Variants in OPCML observed in about 807,000 individuals in gnomAD.
OPCML encodes opioid-binding protein/cell adhesion molecule.
In OPCML, 13 loss-of-function variants were observed where a neutral mutation model predicts 37.8. The ratio of observed to expected loss-of-function variants is 0.34; its 90% CI spans 0.22 to 0.55. The LOEUF (loss-of-function observed/expected upper bound fraction) is 0.55, where lower values mean the gene tolerates loss of function less well. Among genes scored for constraint, OPCML ranks in the 20% least tolerant of loss-of-function variants. OPCML has a pLI of 0.91. For synonymous variants in OPCML, 176 were observed against 168.8 expected (o/e 1.04, Z -0.33); for missense variants, 341 against 435.6 (o/e 0.78, Z 1.93).
At chr11:133,529,146 T>C (rs76923922) in intron 1 of OPCML, among the ~76,000 whole-genome samples, 3,571 of 152,308 alleles carry the variant, frequency 0.023, 140 homozygotes, top group African/African-American at 0.081. Context: ...CTGTAGGCCA[T>C]GGTCACAGGT....
intron 3 of OPCML, among the ~76,000 whole-genome samples, chr11:132,559,759 G>C (rs1040750753): frequency 6.6e-6 from 1 of 152,136 alleles, no homozygotes; most frequent in Non-Finnish European, 1.5e-5. Context: ...ATGACCACCT[G>C]GAGGGATAAA....
intron 2 of OPCML, among the ~76,000 whole-genome samples, chr11:132,660,657 C>T (rs1158877879): frequency 6.6e-6 from 1 of 152,120 alleles, no homozygotes; most frequent in Non-Finnish European, 1.5e-5. Flanking sequence ...TAGGACATGT[C>T]TCATCTCCAA....
At chr11:132,464,498 T>C (rs907266525) in intron 4 of OPCML, among the ~76,000 whole-genome samples, 26 of 152,226 alleles carry the variant, frequency 1.7e-4, no homozygotes, top group Non-Finnish European at 3.5e-4. Flanking sequence ...GTCTGGAATA[T>C]GGCCTGGTAC....
At chr11:133,151,371 CA>C (rs764725470) in intron 1 of OPCML, among the ~76,000 whole-genome samples, 2 of 151,884 alleles carry the variant, frequency 1.3e-5, no homozygotes, top group African/African-American at 2.4e-5. Context: ...GGCTCCCACA[CA>C]ATTGGCAATG....
At chr11:132,512,157 C>G (rs796332463) in intron 4 of OPCML, among the ~76,000 whole-genome samples, 1 of 151,924 alleles carries the variant, frequency 6.6e-6, no homozygotes, top group African/African-American at 2.4e-5. Flanking sequence ...AACTCAAAAC[C>G]AAATATGTTT....
At chr11:133,170,630 T>C (rs1451938867) in intron 1 of OPCML, among the ~76,000 whole-genome samples, 1 of 152,122 alleles carries the variant, frequency 6.6e-6, no homozygotes, top group African/African-American at 2.4e-5. Context: ...TCAGCTAAAC[T>C]TGAGTTTTAG....
intron 1 of OPCML, among the ~76,000 whole-genome samples, chr11:133,123,969 G>A (rs576314344): frequency 2.3e-4 from 35 of 151,928 alleles, no homozygotes; most frequent in Non-Finnish European, 3.8e-4. Context: ...AGCATGAGTC[G>A]GGTCAAAGAC....
chr11:133,433,874 A>T (rs1197121193), intron 1 of OPCML, among the ~76,000 whole-genome samples: 1 of 152,164 alleles, frequency 6.6e-6, no homozygotes, highest in Non-Finnish European at 1.5e-5. Context: ...AGAATCCCTC[A>T]AACTTGCACT....
At chr11:133,469,265 G>A (rs1251621214) in intron 1 of OPCML, among the ~76,000 whole-genome samples, 2 of 152,142 alleles carry the variant, frequency 1.3e-5, no homozygotes, top group South Asian at 2.1e-4. Flanking sequence ...TTATAATATG[G>A]TATTTTTTAC....
intron 1 of OPCML, among the ~76,000 whole-genome samples, chr11:133,491,769 A>G (rs1310824446): frequency 1.3e-5 from 2 of 152,154 alleles, no homozygotes; most frequent in East Asian, 3.9e-4. Context: ...CAGCACATCA[A>G]GAAAGGGAAG....
At chr11:132,987,721 A>G (rs1946705814) in intron 1 of OPCML, among the ~76,000 whole-genome samples, 1 of 152,164 alleles carries the variant, frequency 6.6e-6, no homozygotes, top group African/African-American at 2.4e-5. Context: ...GCGTGGAGAA[A>G]AAGGAAGCAT....
At chr11:132,648,884 A>T (rs1489811455) in intron 3 of OPCML, among the ~76,000 whole-genome samples, 6 of 151,656 alleles carry the variant, frequency 4.0e-5, no homozygotes, top group Non-Finnish European at 8.8e-5. Flanking sequence ...GAAAATACCG[A>T]CTCCTCCTAT....
chr11:133,141,556 T>G (rs1949824029), intron 1 of OPCML, among the ~76,000 whole-genome samples: 1 of 152,118 alleles, frequency 6.6e-6, no homozygotes, highest in Non-Finnish European at 1.5e-5. Flanking sequence ...TGACGGCAGT[T>G]CATAACTGTC....
chr11:133,451,801 C>T (rs1381123225), intron 1 of OPCML, among the ~76,000 whole-genome samples: 2 of 151,000 alleles, frequency 1.3e-5, no homozygotes, highest in Non-Finnish European at 2.9e-5. Flanking sequence ...GAGACCACAC[C>T]ATTGCAGCCC....
chr11:132,752,208 T>C (rs1945859066), intron 2 of OPCML, among the ~76,000 whole-genome samples: 1 of 151,984 alleles, frequency 6.6e-6, no homozygotes. Flanking sequence ...GCTAATTAAT[T>C]GTGTATTTTG....
chr11:133,422,969 A>T, intron 1 of OPCML: 1 of 985,380 alleles, frequency 1.0e-6, no homozygotes, highest in Non-Finnish European at 1.2e-6. Context: ...ATGTCATATA[A>T]TGAGACAGTG....
chr11:132,794,790 G>T (rs1938198100), intron 2 of OPCML, among the ~76,000 whole-genome samples: 1 of 151,892 alleles, frequency 6.6e-6, no homozygotes, highest in Non-Finnish European at 1.5e-5. Flanking sequence ...CATTGCTAGG[G>T]GAAAGGATAT....
chr11:132,456,320 C>T (rs2096082697), intron 4 of OPCML, among the ~76,000 whole-genome samples: 1 of 152,110 alleles, frequency 6.6e-6, no homozygotes, highest in Non-Finnish European at 1.5e-5. Flanking sequence ...TGTCCAAGAC[C>T]TTGAGAATTA....
At chr11:132,632,345 T>G (rs1940201642) in intron 3 of OPCML, among the ~76,000 whole-genome samples, 1 of 150,864 alleles carries the variant, frequency 6.6e-6, no homozygotes. Context: ...TATTATGATT[T>G]AAAAGGTTCC....
Sources: allele counts gnomAD v4.1 joint callset (sites outside exome capture counted in the v4.1 genomes callset), GRCh38; gene constraint gnomAD v4.1.1; transcripts MANE v1.5; gene names NCBI Gene and HGNC (gene_info 2026-07-23, HGNC 2026-07-21).